TTLL5: variants seen among roughly 807,000 people sequenced by gnomAD.
TTLL5 encodes the protein tubulin tyrosine ligase like 5.
In TTLL5, 132 loss-of-function variants were observed where a neutral mutation model predicts 168.4. The observed-to-expected ratio is 0.78, with a 90% confidence interval of 0.68 to 0.91. TTLL5 has a LOEUF of 0.91. TTLL5 is among the 40% of genes least tolerant of loss of function. The pLI is 0.00. For missense variants in TTLL5, 1,545 were observed against 1,581.5 expected (o/e 0.98, Z 0.39); for synonymous variants, 546 against 558.6 (o/e 0.98, Z 0.32).
chr14:75,858,359 T>G (rs1897238972), intron 28 of TTLL5, among the ~76,000 whole-genome samples: 1 of 152,242 alleles, frequency 6.6e-6, no homozygotes. Context: ...GAAATGCCAG[T>G]GCTACTTAAG....
chr14:75,759,361 G>T (rs769105529), intron 18 of TTLL5, among the ~76,000 whole-genome samples: 1 of 152,120 alleles, frequency 6.6e-6, no homozygotes, highest in Non-Finnish European at 1.5e-5. Context: ...GAAAAGCCCT[G>T]TATCTGTTGA....
chr14:75,770,508 G>A (rs921630692), intron 20 of TTLL5, among the ~76,000 whole-genome samples: 1 of 152,158 alleles, frequency 6.6e-6, no homozygotes, highest in Non-Finnish European at 1.5e-5. Context: ...CAAAGTTTGT[G>A]TTGGGCCCTA....
At chr14:75,935,223 CATT>C (rs2034399726) in intron 31 of TTLL5, among the ~76,000 whole-genome samples, 1 of 152,186 alleles carries the variant, frequency 6.6e-6, no homozygotes, top group Non-Finnish European at 1.5e-5. Flanking sequence ...GCAAAGCTGT[CATT>C]ATTCCCAACC....
At chr14:75,738,272 T>C (rs1218091431) in intron 15 of TTLL5, among the ~76,000 whole-genome samples, 4 of 152,236 alleles carry the variant, frequency 2.6e-5, no homozygotes, top group Non-Finnish European at 4.4e-5. Context: ...GGGGGTCCTG[T>C]GCCTGCTATT....
chr14:75,709,828 T>TAAAAAAAAAAAA (rs60209676), intron 9 of TTLL5: 1 of 39,886 alleles, frequency 2.5e-5, no homozygotes, highest in African/African-American at 1.1e-4. Context: ...CCCATCTCAT[T>TAAAAAAAAAAAA]AAAAAAAAAA....
chr14:75,937,491 T>C (rs2034470335), intron 31 of TTLL5, among the ~76,000 whole-genome samples: 1 of 152,122 alleles, frequency 6.6e-6, no homozygotes, highest in South Asian at 2.1e-4. Context: ...TGCAGAACTT[T>C]AGCTCTGTAC....
chr14:75,716,706 CA>C (rs1367656295), intron 9 of TTLL5, among the ~76,000 whole-genome samples: 1 of 152,076 alleles, frequency 6.6e-6, no homozygotes, highest in African/African-American at 2.4e-5. Flanking sequence ...CTACCATAAC[CA>C]TTCGCCTTGA....
chr14:75,735,166 G>A (rs779696558), intron 14 of TTLL5, 29 bp from the exon 15 acceptor site: 2 of 1,609,286 alleles, frequency 1.2e-6, no homozygotes, highest in Non-Finnish European at 1.7e-6. Context: ...GAAAATGGCA[G>A]GTTTTAATGT....
chr14:75,911,467 A>G (rs1470576408), intron 31 of TTLL5, among the ~76,000 whole-genome samples: 1 of 152,208 alleles, frequency 6.6e-6, no homozygotes, highest in African/African-American at 2.4e-5. Context: ...TTTTAAGATG[A>G]TGAGGTGAAG....
intron 28 of TTLL5, among the ~76,000 whole-genome samples, chr14:75,855,723 C>T (rs1046186225): frequency 1.3e-5 from 2 of 152,138 alleles, no homozygotes; most frequent in Non-Finnish European, 2.9e-5. Flanking sequence ...GCAGGTAACA[C>T]AAAAAGAACT....
chr14:75,708,991 T>C (rs1214846718), intron 9 of TTLL5, among the ~76,000 whole-genome samples: 1 of 152,264 alleles, frequency 6.6e-6, no homozygotes, highest in African/African-American at 2.4e-5. Context: ...AAAAAACTCA[T>C]AATATTTTGA....
intron 31 of TTLL5, among the ~76,000 whole-genome samples, chr14:75,924,912 G>A (rs1418653453): frequency 2.7e-5 from 4 of 150,038 alleles, no homozygotes; most frequent in African/African-American, 1.0e-4. Flanking sequence ...CGGGCGGGGG[G>A]CTGACCCCCC....
chr14:75,922,633 G>T (rs2033867209), intron 31 of TTLL5, among the ~76,000 whole-genome samples: 1 of 151,834 alleles, frequency 6.6e-6, no homozygotes, highest in Admixed American at 6.6e-5. Flanking sequence ...CAGTTTGCCA[G>T]TATTTTATTG....
At chr14:75,691,613 G>A (rs1885466694) in intron 6 of TTLL5, among the ~76,000 whole-genome samples, 2 of 152,156 alleles carry the variant, frequency 1.3e-5, no homozygotes, top group South Asian at 4.1e-4. Context: ...ATTGCTAATG[G>A]CACTGGGCAG....
intron 20 of TTLL5, among the ~76,000 whole-genome samples, chr14:75,771,260 C>T (rs1014640958): frequency 1.3e-5 from 2 of 152,130 alleles, no homozygotes; most frequent in South Asian, 4.1e-4. Flanking sequence ...AACCCCGTCT[C>T]TACTAAAAAT....
At chr14:75,766,807 G>C (rs2140300011) in intron 20 of TTLL5, among the ~76,000 whole-genome samples, 1 of 152,260 alleles carries the variant, frequency 6.6e-6, no homozygotes. Flanking sequence ...TGACAGATGA[G>C]TAGGGTTTCA....
intron 31 of TTLL5, among the ~76,000 whole-genome samples, chr14:75,910,620 G>A (rs765359784): frequency 1.3e-5 from 2 of 152,088 alleles, no homozygotes; most frequent in Non-Finnish European, 2.9e-5. Flanking sequence ...GCTAAGCCAC[G>A]CCTGTCTTTG....
At chr14:75,676,945 T>A (rs1435281278) in intron 3 of TTLL5, among the ~76,000 whole-genome samples, 1 of 151,970 alleles carries the variant, frequency 6.6e-6, no homozygotes, top group African/African-American at 2.4e-5. Flanking sequence ...GGCTAATTTT[T>A]AAATTTTTGT....
chr14:75,683,462 T>A, intron 4 of TTLL5, 88 bp from the exon 5 acceptor site: 2 of 1,095,402 alleles, frequency 1.8e-6, no homozygotes, highest in South Asian at 2.6e-5. Context: ...GATGAAAAAA[T>A]CACTGTGGCT....
Sources: allele counts gnomAD v4.1 joint callset (sites outside exome capture counted in the v4.1 genomes callset), GRCh38; gene constraint gnomAD v4.1.1; transcripts MANE v1.5; gene names NCBI Gene and HGNC (gene_info 2026-07-23, HGNC 2026-07-21).